TNKS: variants seen among roughly 807,000 people sequenced by gnomAD.
The protein encoded by TNKS is poly [ADP-ribose] polymerase tankyrase-1.
TNKS carries 72 observed loss-of-function variants against 135.8 expected under a neutral mutation model. The observed-to-expected ratio is 0.53, with a 90% CI of 0.44 to 0.64. TNKS has a LOEUF of 0.64. TNKS is among the 30% of genes least tolerant of loss of function. The pLI, the probability that TNKS is intolerant of heterozygous loss-of-function variation, is 0.00. For synonymous variants in TNKS, 849 were observed against 649.3 expected, an observed-to-expected ratio of 1.31 and a Z score of -4.68; for missense variants, 1,769 against 1,674.0, an observed-to-expected ratio of 1.06 and a Z score of -0.99.
chr8:9,617,436 T>A lies in TNKS; in HGVS notation c.994+1759T>A, dbSNP rs554576402. On this transcript the variant is annotated intron_variant, in intron 3 of 26. Transcript: ENST00000310430. ...GAGTTAATTGTTCTTTTCAAGAATA[T>A]CTACTTTTTTGGAAATGATCTACAG... Among the ~76,000 whole-genome samples the A allele has an allele frequency of 8.3e-4, 126 of 152,380 alleles. 2 individuals are homozygous for A. Among genetic ancestry groups the A allele is most frequent in the Middle Eastern group, 6.8e-3 (2 of 294 alleles).
At chr8:9,655,101 C>T (rs959117528) in intron 3 of TNKS, among the ~76,000 whole-genome samples, 31 of 152,232 alleles carry the variant, frequency 2.0e-4, no homozygotes, top group African/African-American at 7.2e-4. Flanking sequence ...TTATATCCTG[C>T]ACCTGGCTTG....
At chr8:9,628,008 C>G (rs1800130747) in intron 3 of TNKS, among the ~76,000 whole-genome samples, 1 of 152,174 alleles carries the variant, frequency 6.6e-6, no homozygotes, top group African/African-American at 2.4e-5. Flanking sequence ...CATCCTGCTT[C>G]TTTCTAAGGC....
intron 5 of TNKS, among the ~76,000 whole-genome samples, chr8:9,689,834 T>C (rs1230948614): frequency 6.6e-6 from 1 of 152,248 alleles, no homozygotes; most frequent in Non-Finnish European, 1.5e-5. Flanking sequence ...TCTAATGATC[T>C]AAGGTGGACC....
At chr8:9,626,036 C>T (rs566438469) in intron 3 of TNKS, among the ~76,000 whole-genome samples, 1 of 152,152 alleles carries the variant, frequency 6.6e-6, no homozygotes, top group East Asian at 1.9e-4. Flanking sequence ...TTAATTATTT[C>T]TCCTTTAACT....
At chr8:9,716,728 C>G (rs1215401159) in intron 11 of TNKS, among the ~76,000 whole-genome samples, 3 of 151,866 alleles carry the variant, frequency 2.0e-5, no homozygotes, top group African/African-American at 7.3e-5. Flanking sequence ...CTTTCTCTTT[C>G]TCTGAGGTTT....
In TNKS at chr8:9,579,833, T is replaced by C. The variant is rs534463701; in HGVS notation, c.674-326T>C. 3.9e-5 allele frequency among the ~76,000 whole-genome samples: 6 copies of C among 152,324 alleles called. 1 individual carries two copies. Among genetic ancestry groups the C allele is most frequent in the African/African-American group, 1.4e-4 (6 of 41,572 alleles). On this transcript the variant is annotated intron_variant, in intron 1 of 26. Transcript: ENST00000310430. Reference sequence around the variant, plus strand: ...ATGAGTTTCTATATACAGTTTTGTGTTGTGAAGCCTGAGGGGAAAGTGAGT... The same window carrying C: ...ATGAGTTTCTATATACAGTTTTGTGCTGTGAAGCCTGAGGGGAAAGTGAGT...
At chr8:9,603,179 A>G (rs1300485865) in intron 2 of TNKS, among the ~76,000 whole-genome samples, 1 of 152,036 alleles carries the variant, frequency 6.6e-6, no homozygotes, top group East Asian at 1.9e-4. Context: ...CAGGCTCCCA[A>G]GTAGCTGGGA....
intron 3 of TNKS, among the ~76,000 whole-genome samples, chr8:9,672,978 G>T (rs71516528): frequency 6.6e-6 from 1 of 152,144 alleles, no homozygotes; most frequent in African/African-American, 2.4e-5. Flanking sequence ...ACACTTTGCA[G>T]AAAGTCCCAC....
chr8:9,560,311 TGTTA>T (rs761495401), intron 1 of TNKS, among the ~76,000 whole-genome samples: 23 of 152,012 alleles, frequency 1.5e-4, no homozygotes, highest in Non-Finnish European at 2.1e-4. Context: ...ATGGGCTTCC[TGTTA>T]GTTAACATAT....
At chr8:9,759,969 C>G (rs1034356141) in intron 20 of TNKS, among the ~76,000 whole-genome samples, 2 of 150,568 alleles carry the variant, frequency 1.3e-5, no homozygotes, top group African/African-American at 4.9e-5. Context: ...CAGAGCGAGA[C>G]TCTGTCTCAA....
At chr8:9,654,914 C>T (rs1284212859) in intron 3 of TNKS, among the ~76,000 whole-genome samples, 3 of 152,098 alleles carry the variant, frequency 2.0e-5, no homozygotes, top group African/African-American at 4.8e-5. Flanking sequence ...ACAGTGGGTG[C>T]AACGCACCAT....
chr8:9,761,445 G>A (rs902368306), intron 20 of TNKS, 71 bp from the exon 21 acceptor site: 6 of 1,496,854 alleles, frequency 4.0e-6, no homozygotes, highest in Middle Eastern at 1.8e-4. Context: ...AGCATTGAAG[G>A]CAATTGGAAA....
chr8:9,704,666 A>G lies in TNKS; in HGVS notation c.1111A>G (p.Thr371Ala). 6.2e-7 allele frequency: 1 copy of G among 1,610,894 alleles called. No individual in the cohort carries two copies. Among genetic ancestry groups the G allele is most frequent in the Non-Finnish European group, 8.5e-7 (1 of 1,177,952 alleles). The stretch of plus-strand genomic sequence containing the variant: ...AGGGGATGTTTTTCTTTTCTAGTCG[A>G]CTCCTTTACATCTAGCAGCGGGCTA... ...NCHASDGRKS[T>A]PLHLAAGYNR... is the part of the protein sequence containing the mutation. The change falls in exon 6 of 27, where the codon ACT (threonine) becomes GCT (alanine). Residue 371 changes from threonine to alanine, a missense_variant. Physicochemically the swap from Thr to Ala is moderately conservative, Grantham distance 58. This residue lies in a region of TNKS where 523 missense variants were observed against 541.0 expected (regional missense o/e 0.97). Coordinates refer to ENST00000310430, the MANE Select transcript of TNKS (RefSeq NM_003747.3).
At position 9,704,704 on chromosome 8, in the gene TNKS, A is replaced by G. The variant is rs1217833198; in HGVS notation, c.1149A>G (p.Arg383=). The change falls in exon 6 of 27, where the codon CGA becomes CGG. Residue 383 remains arginine (R), a synonymous_variant. Transcript: ENST00000310430. ...LHLAAGYNRV[R]IVQLLLQHGA... ...TAGCAGCGGGCTACAACAGAGTTCG[A>G]ATAGTTCAGCTTCTTCTTCAGCATG... 3.7e-6 allele frequency: 6 copies of G among 1,613,614 alleles called. No homozygotes were observed. Among genetic ancestry groups the G allele is most frequent in the Non-Finnish European group, 5.1e-6 (6 of 1,179,620 alleles).
chr8:9,677,170 A>G (rs897214269), intron 3 of TNKS, among the ~76,000 whole-genome samples: 1 of 152,190 alleles, frequency 6.6e-6, no homozygotes, highest in African/African-American at 2.4e-5. Context: ...TGGGCACCAG[A>G]TAGTGGATGC....
chr8:9,774,144 G>C (rs148870711), intron 26 of TNKS, among the ~76,000 whole-genome samples: 21 of 152,320 alleles, frequency 1.4e-4, no homozygotes, highest in African/African-American at 4.3e-4. Context: ...TAAGATGTCA[G>C]TGGTATTTGT....
intron 14 of TNKS, among the ~76,000 whole-genome samples, chr8:9,731,875 C>T (rs1343547268): frequency 6.6e-6 from 1 of 151,994 alleles, no homozygotes; most frequent in African/African-American, 2.4e-5. Context: ...GCAAGCTCTG[C>T]CTCCCAGGTT....
chr8:9,749,481 T>G (rs1469524019), intron 18 of TNKS, among the ~76,000 whole-genome samples: 2 of 150,980 alleles, frequency 1.3e-5, no homozygotes, highest in African/African-American at 4.9e-5. Flanking sequence ...CTTTTTTTTT[T>G]TTTTCCCCCT....
chr8:9,651,982 A>G (rs534790992), intron 3 of TNKS, among the ~76,000 whole-genome samples: 52 of 152,342 alleles, frequency 3.4e-4, no homozygotes, highest in African/African-American at 1.2e-3. Flanking sequence ...GCCACAATCA[A>G]TATGCGTTTC....
Sources: allele counts gnomAD v4.1 joint callset (sites outside exome capture counted in the v4.1 genomes callset), GRCh38; gene constraint gnomAD v4.1.1; regional missense constraint gnomAD v4.1.1; transcripts MANE v1.5; gene names NCBI Gene and HGNC (gene_info 2026-07-23, HGNC 2026-07-21).